Variants in HIVEP1 observed in about 807,000 individuals in gnomAD.
HIVEP1 encodes the protein zinc finger protein 40.
In HIVEP1, 36 loss-of-function variants were observed where a neutral mutation model predicts 180.0. The ratio of observed to expected loss-of-function variants is 0.20; its 90% confidence interval spans 0.15 to 0.26. The LOEUF is 0.26. HIVEP1 is among the 10% of genes least tolerant of loss of function. HIVEP1 has a pLI of 1.00. For missense variants in HIVEP1, 3,143 were observed against 3,268.7 expected (o/e 0.96, Z 0.94); for synonymous variants, 1,239 against 1,239.0 (o/e 1.00, Z 0.00).
intron 2 of HIVEP1, among the ~76,000 whole-genome samples, chr6:12,066,477 A>G (rs56151936): frequency 6.6e-6 from 1 of 152,200 alleles, no homozygotes; most frequent in Non-Finnish European, 1.5e-5. Flanking sequence ...TCAGAAAGCT[A>G]TTTTTGGTTT....
At chr6:12,083,829 A>G (rs1412570294) in intron 2 of HIVEP1, among the ~76,000 whole-genome samples, 1 of 152,126 alleles carries the variant, frequency 6.6e-6, no homozygotes, top group African/African-American at 2.4e-5. Context: ...GTGAAAAATT[A>G]TAATATGTTG....
At chr6:12,093,069 G>T (rs1773578476) in intron 3 of HIVEP1, among the ~76,000 whole-genome samples, 3 of 152,042 alleles carry the variant, frequency 2.0e-5, no homozygotes, top group Admixed American at 6.6e-5. Flanking sequence ...CTCTAAATTA[G>T]GTTTGTGTTT....
At chr6:12,038,794 G>T (rs1362743945) in intron 2 of HIVEP1, 1 of 152,180 alleles carries the variant, frequency 6.6e-6, no homozygotes, top group Non-Finnish European at 1.5e-5. Flanking sequence ...CTAAAGCCAG[G>T]AAGGGAGTAA....
At chr6:12,035,171 A>G (rs941449639) in intron 2 of HIVEP1, among the ~76,000 whole-genome samples, 7 of 152,224 alleles carry the variant, frequency 4.6e-5, no homozygotes, top group Non-Finnish European at 1.0e-4. Context: ...TGTGACAGAG[A>G]AAGCTGTTCA....
chr6:12,132,896 A>G (rs775369665), intron 6 of HIVEP1, among the ~76,000 whole-genome samples: 10 of 152,090 alleles, frequency 6.6e-5, no homozygotes, highest in Non-Finnish European at 1.3e-4. Flanking sequence ...TTGTGAATCT[A>G]TGTAAAACAG....
chr6:12,163,175 A>G lies in HIVEP1; in HGVS notation c.6979-108A>G. On this transcript the variant is annotated intron_variant, in intron 8 of 8. Coordinates refer to ENST00000379388, the MANE Select transcript of HIVEP1 (RefSeq NM_002114.4). Reference sequence around the variant, plus strand: ...GCAAACATCATTTTTATCAATGCAAATATACTTACTTTTATCTCATTGTGA... The same window carrying G: ...GCAAACATCATTTTTATCAATGCAAGTATACTTACTTTTATCTCATTGTGA... 9.3e-6 allele frequency: 8 copies of G among 857,218 alleles called. No homozygotes were observed. In the South Asian group the frequency reaches 1.3e-4, roughly 14 times the overall value. The allele number at this position is 857,218 out of a possible 1,614,324, so 53.1% of individuals were successfully genotyped here.
chr6:12,088,407 A>G (rs1773239811), intron 2 of HIVEP1, among the ~76,000 whole-genome samples: 2 of 152,110 alleles, frequency 1.3e-5, no homozygotes, highest in Admixed American at 1.3e-4. Context: ...TTTGGAATCG[A>G]TTACTGCCCA....
chr6:12,154,817 A>T (rs1759924550), intron 7 of HIVEP1, among the ~76,000 whole-genome samples: 1 of 152,182 alleles, frequency 6.6e-6, no homozygotes, highest in South Asian at 2.1e-4. Flanking sequence ...CTTAAAGTAT[A>T]ATAAATTTTT....
At chr6:12,077,331 C>T (rs142435190) in intron 2 of HIVEP1, among the ~76,000 whole-genome samples, 40 of 152,294 alleles carry the variant, frequency 2.6e-4, no homozygotes, top group Non-Finnish European at 4.6e-4. Context: ...ATCCTGCTAA[C>T]GTCATCCCTG....
chr6:12,185,830 A>G, the HIVEP1 span, among the ~76,000 whole-genome samples: 1 of 152,220 alleles, frequency 6.6e-6, no homozygotes, highest in Non-Finnish European at 1.5e-5. Context: ...GGGAACCATC[A>G]TGCATTCTGA....
intron 2 of HIVEP1, among the ~76,000 whole-genome samples, chr6:12,069,588 G>A (rs1353335056): frequency 8.8e-6 from 1 of 114,138 alleles, no homozygotes; most frequent in African/African-American, 3.3e-5. Flanking sequence ...GGGGGGAGGG[G>A]GGAGGGATAG....
intron 3 of HIVEP1, among the ~76,000 whole-genome samples, chr6:12,109,412 G>C (rs940007074): frequency 2.6e-5 from 4 of 152,192 alleles, no homozygotes; most frequent in African/African-American, 9.7e-5. Context: ...TTCAAAATTG[G>C]AGTCAGTCCT....
At chr6:12,168,092 CACATACACGTAT>C (rs1324743753), downstream of HIVEP1, among the ~76,000 whole-genome samples, 1 of 16,830 alleles carries the variant, frequency 5.9e-5, no homozygotes, top group African/African-American at 2.9e-4. Flanking sequence ...TACATATATA[CACATACACGTAT>C]ATATGTATAT....
chr6:12,072,433 T>C (rs1772036504), intron 2 of HIVEP1, among the ~76,000 whole-genome samples: 1 of 152,090 alleles, frequency 6.6e-6, no homozygotes, highest in South Asian at 2.1e-4. Context: ...TCTATTCCTG[T>C]TTTAATCTGC....
intron 2 of HIVEP1, among the ~76,000 whole-genome samples, chr6:12,076,113 A>G (rs1209402160): frequency 6.6e-6 from 1 of 152,012 alleles, no homozygotes; most frequent in East Asian, 1.9e-4. Flanking sequence ...TAGCTTTTTT[A>G]CCATTGGTCT....
chr6:12,150,331 C>A (rs1467617280), intron 7 of HIVEP1, among the ~76,000 whole-genome samples: 1 of 152,186 alleles, frequency 6.6e-6, no homozygotes, highest in Non-Finnish European at 1.5e-5. Flanking sequence ...TCAACAAATG[C>A]TGGACTTCAG....
At chr6:12,028,044 A>G (rs1458545224) in intron 2 of HIVEP1, among the ~76,000 whole-genome samples, 3 of 152,248 alleles carry the variant, frequency 2.0e-5, no homozygotes, top group Non-Finnish European at 2.9e-5. Flanking sequence ...TACTTTGGAA[A>G]GCATGTTAAT....
At chr6:12,175,442 A>G in the HIVEP1 span, among the ~76,000 whole-genome samples, 1 of 152,236 alleles carries the variant, frequency 6.6e-6, no homozygotes, top group African/African-American at 2.4e-5. Flanking sequence ...AGTGTATAGT[A>G]ATATCCAAAT....
chr6:12,167,652 T>TTAC (rs1562023676), downstream of HIVEP1, among the ~76,000 whole-genome samples: 42 of 19,182 alleles, frequency 2.2e-3, no homozygotes, highest in African/African-American at 4.6e-3. Context: ...TATACATATA[T>TTAC]ATGTTATATA....
Sources: gnomAD v4.1 joint callset for allele counts (sites outside exome capture counted in the v4.1 genomes callset) on GRCh38, gnomAD v4.1.1 for gene constraint, MANE v1.5 for transcripts, NCBI Gene and HGNC (gene_info 2026-07-23, HGNC 2026-07-21) for gene names.